The following KNTC1 variants were observed in gnomAD, a reference collection of about 807,000 sequenced individuals.
KNTC1 encodes kinetochore associated 1.
In KNTC1, 253 loss-of-function variants were observed where a neutral mutation model predicts 314.4. That is an observed-to-expected ratio of 0.80 (90% CI 0.73 to 0.89). The LOEUF is 0.89. KNTC1 is among the 40% of genes least tolerant of loss of function. The pLI, the probability that KNTC1 is intolerant of heterozygous loss-of-function variation, is 0.00. For missense variants in KNTC1, 2,475 were observed against 2,572.9 expected (o/e 0.96, Z 0.82); for synonymous variants, 901 against 901.4 (o/e 1.00, Z 0.01).
intron 20 of KNTC1, among the ~76,000 whole-genome samples, chr12:122,566,264 T>C (rs1964332307): frequency 6.6e-6 from 1 of 150,556 alleles, no homozygotes; most frequent in Non-Finnish European, 1.5e-5. Context: ...TTTTTTTCAA[T>C]GAGACAGAGT....
rs563666969 is a variant in KNTC1, at chr12:122,574,615, C to T, written c.2382+235C>T. Among the ~76,000 whole-genome samples the T allele has an allele frequency of 1.5e-4, 23 of 152,304 alleles. No homozygotes were observed. The South Asian group carries it at 1.7e-3, about 11-fold the overall frequency. On this transcript the variant is annotated intron_variant, in intron 27 of 63. Transcript: ENST00000333479. ...TTAGGACCATAGGCGTGTGCCACTA[C>T]GCCCAGCTAATTTTTGTATTTTTTG...
chr12:122,579,760 G>T (rs1383413820), intron 31 of KNTC1, 145 bp from the exon 32 acceptor site: 2 of 610,984 alleles, frequency 3.3e-6, no homozygotes, highest in Middle Eastern at 4.1e-4. Context: ...CCTGTATAAC[G>T]CTCATTAACC....
At chr12:122,563,953 A>G (rs1964143433) in intron 20 of KNTC1, among the ~76,000 whole-genome samples, 1 of 152,214 alleles carries the variant, frequency 6.6e-6, no homozygotes, top group Non-Finnish European at 1.5e-5. Context: ...AAAATACATC[A>G]TTTGGAAAAA....
Position 122,605,093 on chromosome 12 carries a change from G to A in KNTC1, c.5386+6G>A, listed in dbSNP as rs774483248. The A allele has an allele frequency of 2.8e-5, 44 of 1,599,868 alleles. No homozygotes were observed. In the African/African-American group the frequency reaches 4.9e-4, roughly 18 times the overall value. On this transcript the variant is annotated splice_donor_region_variant and intron_variant, in intron 50 of 63. Transcript: ENST00000333479. ...ATCTGGCACAGATTATCCTGGTGAG[G>A]ACAAAACAATTTTTTTGTTGTCCAA...
At chr12:122,555,020 G>A (rs959091682) in intron 16 of KNTC1, among the ~76,000 whole-genome samples, 2 of 150,864 alleles carry the variant, frequency 1.3e-5, no homozygotes, top group Non-Finnish European at 3.0e-5. Flanking sequence ...ATTTTAGCCT[G>A]AGTGACAGAG....
rs7310898 is a variant in KNTC1 at position 122,605,408 on chromosome 12, C to T, written c.5489C>T (p.Pro1830Leu). 10,699 of 1,558,888 alleles carry T rather than the reference C, an allele frequency of 6.9e-3. 629 individuals carry two copies. In the African/African-American group the frequency reaches 0.13, roughly 18 times the overall value. The change falls in exon 51 of 64, where the codon CCT becomes CTT. Residue 1830 changes from proline to leucine, a missense_variant. By Grantham distance (98) the Pro-to-Leu change is moderately conservative (BLOSUM62 -3). Transcript: ENST00000333479. ...LEKWLCPSTK[P>L]GEKPSELFEL... is the part of the protein sequence containing the mutation. ...AAATGGCTATGCCCTTCAACAAAAC[C>T]TGGTGAAGTAAGTACTTGCTGCCCA... is the stretch of plus-strand genomic sequence containing the variant.
At chr12:122,570,589 A>T (rs1964621553) in intron 22 of KNTC1, among the ~76,000 whole-genome samples, 2 of 152,080 alleles carry the variant, frequency 1.3e-5, no homozygotes. Flanking sequence ...TTCTATATTT[A>T]AAAATAACTA....
At chr12:122,584,191 G>A (rs1017313685) in intron 34 of KNTC1, 87 bp from the exon 35 acceptor site, 2 of 864,122 alleles carry the variant, frequency 2.3e-6, no homozygotes, top group Non-Finnish European at 3.7e-6. Context: ...TGTGTTGATG[G>A]TGGTGGTGAT....
chr12:122,560,047 A>G lies in KNTC1; in HGVS notation c.1489-1874A>G, dbSNP rs7963075. Reference sequence around the variant, plus strand: ...CTGGCAAACCATATGCTGTCTATGTATATAATTTTGACTACTCTAAGTACC... The same window carrying G: ...CTGGCAAACCATATGCTGTCTATGTGTATAATTTTGACTACTCTAAGTACC... On this transcript the variant is annotated intron_variant, in intron 18 of 63. Coordinates refer to ENST00000333479, the MANE Select transcript of KNTC1 (RefSeq NM_014708.6). Among the ~76,000 whole-genome samples, 1,157 of 152,206 alleles carry G rather than the reference A, an allele frequency of 7.6e-3. 13 individuals carry two copies. Among genetic ancestry groups the G allele is most frequent in the African/African-American group, 0.027 (1,119 of 41,528 alleles).
At chr12:122,594,478 TC>T in intron 43 of KNTC1, 93 bp downstream of exon 43, 1 of 727,040 alleles carries the variant, frequency 1.4e-6, no homozygotes, top group Non-Finnish European at 2.4e-6. Context: ...TTTTATGAGG[TC>T]CATAGACCAC....
At chr12:122,527,589 G>A (rs1053320120) in intron 1 of KNTC1, 1 of 152,306 alleles carries the variant, frequency 6.6e-6, no homozygotes. Flanking sequence ...TCCGCCGCCA[G>A]AGTGATCTCA....
intron 16 of KNTC1, among the ~76,000 whole-genome samples, chr12:122,552,380 G>A (rs1235618281): frequency 2.0e-5 from 3 of 152,028 alleles, no homozygotes; most frequent in South Asian, 4.1e-4. Context: ...AGATGATGAT[G>A]ATGCAGAAGT....
chr12:122,593,941 A>G (rs1445181837), intron 42 of KNTC1: 1 of 199,802 alleles, frequency 5.0e-6, no homozygotes, highest in East Asian at 1.2e-4. Flanking sequence ...ATTTGCCAAC[A>G]GTTGACTTAT....
rs1444088158 is a variant in KNTC1 at position 122,584,893 on chromosome 12, AT to A, written c.3443del (p.Leu1148TyrfsTer2). The A allele has an allele frequency of 2.0e-6, 3 of 1,501,452 alleles. No homozygotes were observed. The highest frequency in any genetic ancestry group is 2.3e-5 in the East Asian group (1 of 44,296). The allele number at this position is 1,501,452 out of a possible 1,614,324, so 93.0% of individuals were successfully genotyped here. A position where few individuals can be genotyped will look rare whatever the true frequency, so the allele number is the denominator to read the frequency against. ...ATGATTTTTCTCCATTTTGTTTCAG[AT>A]TTTTTACTAGATGCTTTAGAACTAT... ...ASQAATICSP[D>X]FLLDALELCK... On this transcript the variant is annotated frameshift_variant and splice_region_variant, in exon 36 of 64. Coordinates refer to ENST00000333479, the MANE Select transcript of KNTC1 (RefSeq NM_014708.6). LOFTEE classifies it high-confidence loss of function.
chr12:122,587,633 C>T, intron 38 of KNTC1, 78 bp from the exon 39 acceptor site: 1 of 1,142,286 alleles, frequency 8.8e-7, no homozygotes. Flanking sequence ...AGCAGGCTGT[C>T]CCTGAAAACA....
At chr12:122,615,224 C>G in intron 56 of KNTC1, 138 bp downstream of exon 56, 1 of 764,434 alleles carries the variant, frequency 1.3e-6, no homozygotes, top group Non-Finnish European at 2.1e-6. Context: ...TCATGCCAAA[C>G]TTAAAGAACT....
intron 40 of KNTC1, among the ~76,000 whole-genome samples, chr12:122,590,305 A>G (rs1870001675): frequency 6.6e-6 from 1 of 152,112 alleles, no homozygotes; most frequent in African/African-American, 2.4e-5. Flanking sequence ...TCAGTGCCCT[A>G]TAGAACTTGT....
At chr12:122,609,275 C>A in intron 51 of KNTC1, 109 bp from the exon 52 acceptor site, 1 of 713,164 alleles carries the variant, frequency 1.4e-6, no homozygotes, top group African/African-American at 1.8e-5. Flanking sequence ...TCAATGTAAA[C>A]ATAATATCGT....
At chr12:122,544,050 CAAAAAA>C in intron 7 of KNTC1, 103 bp from the exon 8 acceptor site, 1 of 326,732 alleles carries the variant, frequency 3.1e-6, no homozygotes, top group Non-Finnish European at 5.0e-6. Context: ...ACTCTGTCTC[CAAAAAA>C]AAAAAAAAAA....
Sources: allele counts gnomAD v4.1 joint callset (sites outside exome capture counted in the v4.1 genomes callset), GRCh38; gene constraint gnomAD v4.1.1; transcripts MANE v1.5; gene names NCBI Gene and HGNC (gene_info 2026-07-23, HGNC 2026-07-21).